The following CWC22 variants were observed in gnomAD, a reference collection of about 807,000 sequenced individuals.
The protein encoded by CWC22 is CWC22 spliceosome associated protein, also known as pre-mRNA-splicing factor CWC22 homolog.
Under a neutral mutation model 117.2 loss-of-function variants are expected in CWC22, and 53 were observed. The ratio of observed to expected loss-of-function variants is 0.45; its 90% CI spans 0.36 to 0.57. CWC22 has a LOEUF of 0.57. Among genes scored for constraint, CWC22 ranks in the 20% least tolerant of loss-of-function variants. CWC22 has a pLI of 0.00. For synonymous variants in CWC22, 360 were observed against 355.6 expected, an observed-to-expected ratio of 1.01 and a Z score of -0.14; for missense variants, 980 against 1,068.8, an observed-to-expected ratio of 0.92 and a Z score of 1.16.
At chr2:179,963,544 G>A (rs1027514943) in intron 13 of CWC22, among the ~76,000 whole-genome samples, 24 of 150,798 alleles carry the variant, frequency 1.6e-4, no homozygotes, top group African/African-American at 5.8e-4. Flanking sequence ...GGGTTTCACC[G>A]TGTTAGCCAG....
In CWC22 at chr2:180,007,213, A is replaced by G. The variant is rs926372184; in HGVS notation, c.-460T>C. The G allele has an allele frequency of 2.0e-5, 3 of 152,268 alleles. No homozygotes were observed. Among genetic ancestry groups the G allele is most frequent in the African/African-American group, 7.2e-5 (3 of 41,474 alleles). 9.4% of individuals were successfully genotyped at this position (152,268 alleles called of 1,614,324 possible). A position where few individuals can be genotyped will look rare whatever the true frequency, so the allele number is the denominator to read the frequency against. ...ACACGTTATCCCTTTAATTTATTTC[A>G]AATACCATATCATAATACCAGAGTC... is the stretch of plus-strand genomic sequence containing the variant. On this transcript the variant is annotated 5_prime_UTR_variant, in exon 1 of 20. Coordinates refer to ENST00000410053, the MANE Select transcript of CWC22 (RefSeq NM_020943.3).
intron 13 of CWC22, among the ~76,000 whole-genome samples, chr2:179,961,265 C>T (rs1359848299): frequency 6.6e-6 from 1 of 151,880 alleles, no homozygotes; most frequent in Non-Finnish European, 1.5e-5. Context: ...ACTATATTTG[C>T]ATTTCTGTGG....
In CWC22 at chr2:179,988,633, AC is replaced by A; in HGVS notation, c.38del (p.Gly13ValfsTer91). 1.3e-6 allele frequency: 2 copies of A among 1,512,460 alleles called. No individual in the cohort carries two copies. Among genetic ancestry groups the A allele is most frequent in the Non-Finnish European group, 1.8e-6 (2 of 1,121,462 alleles). 93.7% of individuals were successfully genotyped at this position (1,512,460 alleles called of 1,614,324 possible). On this transcript the variant is annotated frameshift_variant, in exon 3 of 20. Coordinates refer to ENST00000410053, the MANE Select transcript of CWC22 (RefSeq NM_020943.3). LOFTEE classifies it high-confidence loss of function. The part of the protein sequence containing the change: ...SSVAQIKPSS[G>X]HDRRENLNSY... Reference sequence around the variant, plus strand: ...AATTAAGGTTTTCCCTTCTGTCATGACCAGAAGAAGGCTTTAAAAGAGGAAA... The same window carrying A: ...AATTAAGGTTTTCCCTTCTGTCATGACAGAAGAAGGCTTTAAAAGAGGAAA...
chr2:179,945,220 C>A lies in CWC22; in HGVS notation c.2636G>T (p.Trp879Leu), dbSNP rs1475833311. Residue 879 changes from tryptophan (W) to leucine (L), a missense_variant, in exon 20 of 20, where the codon TGG becomes TTG. Coordinates refer to ENST00000410053, the MANE Select transcript of CWC22 (RefSeq NM_020943.3). ...DRYQNGAERR[W>L]EKSSRYSEQS... The stretch of plus-strand genomic sequence containing the variant: ...TTCAGAGTATCTGCTAGATTTTTCC[C>A]ATCGTCTCTCGGCACCATTTTGATA... The A allele has an allele frequency of 6.2e-7, 1 of 1,613,744 alleles. No homozygotes were observed. Among genetic ancestry groups the A allele is most frequent in the Non-Finnish European group, 8.5e-7 (1 of 1,179,824 alleles).
At chr2:179,978,774 A>G (rs1363938988) in intron 5 of CWC22, among the ~76,000 whole-genome samples, 1 of 152,212 alleles carries the variant, frequency 6.6e-6, no homozygotes, top group Non-Finnish European at 1.5e-5. Flanking sequence ...TCATAAAAAG[A>G]TGACAGAGAC....
chr2:179,957,344 A>G (rs1183616155), intron 14 of CWC22, among the ~76,000 whole-genome samples: 2 of 152,214 alleles, frequency 1.3e-5, no homozygotes, highest in Admixed American at 1.3e-4. Flanking sequence ...CCATATCACT[A>G]TATTTCAAGA....
chr2:179,997,690 C>A (rs184739962), intron 1 of CWC22, among the ~76,000 whole-genome samples: 71 of 152,278 alleles, frequency 4.7e-4, no homozygotes, highest in African/African-American at 1.7e-3. Flanking sequence ...GTTATTTATA[C>A]GTACATTTGT....
chr2:179,992,868 C>T (rs946353280), intron 2 of CWC22, among the ~76,000 whole-genome samples: 18 of 152,194 alleles, frequency 1.2e-4, no homozygotes, highest in Non-Finnish European at 1.9e-4. Context: ...TCCATCTATT[C>T]ATAAGAAATA....
chr2:179,973,052 T>A, intron 8 of CWC22, 141 bp downstream of exon 8: 1 of 421,410 alleles, frequency 2.4e-6, no homozygotes, highest in Non-Finnish European at 4.3e-6. Context: ...TTTATTATAG[T>A]TTTAAAATGA....
At chr2:179,972,894 A>C (rs1687067322) in intron 8 of CWC22, among the ~76,000 whole-genome samples, 1 of 152,076 alleles carries the variant, frequency 6.6e-6, no homozygotes, top group African/African-American at 2.4e-5. Flanking sequence ...CCGTAGTCCC[A>C]GCTACTCGGG....
intron 1 of CWC22, among the ~76,000 whole-genome samples, chr2:180,002,873 G>A (rs1323735274): frequency 6.6e-6 from 1 of 152,158 alleles, no homozygotes; most frequent in Non-Finnish European, 1.5e-5. Context: ...GAATAAGATG[G>A]AACATGAGAG....
chr2:179,978,813 G>A (rs1198058197), intron 5 of CWC22, among the ~76,000 whole-genome samples: 1 of 152,104 alleles, frequency 6.6e-6, no homozygotes, highest in Non-Finnish European at 1.5e-5. Context: ...AAGCCACAAA[G>A]AAATGGTAAC....
chr2:180,004,114 G>A (rs1687912393), intron 1 of CWC22, among the ~76,000 whole-genome samples: 1 of 152,140 alleles, frequency 6.6e-6, no homozygotes, highest in Non-Finnish European at 1.5e-5. Flanking sequence ...TTATAAGAGG[G>A]ATGCATGAAT....
At chr2:179,945,983 A>G (rs1015949736) in intron 19 of CWC22, among the ~76,000 whole-genome samples, 89 of 152,198 alleles carry the variant, frequency 5.8e-4, no homozygotes, top group African/African-American at 2.1e-3. Context: ...CCTGGGTTCA[A>G]GTGATTCTCC....
Position 179,964,754 on chromosome 2 carries a change from T to C in CWC22, c.1316-126A>G, listed in dbSNP as rs1575644201. 7.1e-6 allele frequency: 4 copies of C among 559,582 alleles called. No homozygotes were observed. In the South Asian group the frequency reaches 1.0e-4, roughly 14 times the overall value. The allele number at this position is 559,582 out of a possible 1,614,324, so 34.7% of individuals were successfully genotyped here. ...AATACAAATTTAATAATATTATCTT[T>C]TTACTGTGTAAATTAGTATTTATAG... On this transcript the variant is annotated intron_variant, in intron 12 of 19. Transcript: ENST00000410053.
chr2:179,963,875 AGT>A (rs922250654), intron 13 of CWC22, among the ~76,000 whole-genome samples: 22 of 152,244 alleles, frequency 1.4e-4, no homozygotes, highest in African/African-American at 5.3e-4. Context: ...TTTCTCCTCC[AGT>A]GTAAAATGTA....
At chr2:179,973,106 C>T (rs1478294665) in intron 8 of CWC22, 87 bp downstream of exon 8, 6 of 717,990 alleles carry the variant, frequency 8.4e-6, no homozygotes, top group Non-Finnish European at 1.2e-5. Flanking sequence ...TAAAGCAAAG[C>T]AAAAATAGAG....
intron 1 of CWC22, among the ~76,000 whole-genome samples, chr2:180,006,661 T>C (rs1687984689): frequency 2.6e-5 from 4 of 152,072 alleles, no homozygotes; most frequent in African/African-American, 7.3e-5. Flanking sequence ...TTAATCCCAC[T>C]CCCCTGACCC....
chr2:179,991,714 C>T (rs1222408036), intron 2 of CWC22, among the ~76,000 whole-genome samples: 2 of 152,174 alleles, frequency 1.3e-5, no homozygotes, highest in African/African-American at 2.4e-5. Flanking sequence ...CAGTTCTGTA[C>T]AAGGTTTCCT....
Sources: allele counts gnomAD v4.1 joint callset (sites outside exome capture counted in the v4.1 genomes callset), GRCh38; gene constraint gnomAD v4.1.1; transcripts MANE v1.5; gene names NCBI Gene and HGNC (gene_info 2026-07-23, HGNC 2026-07-21).